The following KLF16 variants were observed in gnomAD, a reference collection of about 807,000 sequenced individuals.
KLF16 encodes the protein KLF transcription factor 16, also known as Krueppel-like factor 16.
Under a neutral mutation model 6.1 loss-of-function variants are expected in KLF16, and 6 were observed. The ratio of observed to expected loss-of-function variants is 0.98; its 90% CI spans 0.54 to 1.93. The LOEUF (loss-of-function observed/expected upper bound fraction) is 1.93, where lower values mean the gene tolerates loss of function less well. Among genes scored for constraint, KLF16 ranks in the 30% most tolerant of loss-of-function variants. The probability of loss-of-function intolerance (pLI) is 0.01; values close to 1 mark genes in which losing one functional copy is unlikely to be tolerated. For synonymous variants in KLF16, 211 were observed against 176.5 expected (o/e 1.20, Z -1.55); for missense variants, 355 against 363.8 (o/e 0.98, Z 0.20).
chr19:1,868,469 T>A (rs1445288884), upstream of KLF16, among the ~76,000 whole-genome samples: 68 of 41,472 alleles, frequency 1.6e-3, 6 homozygotes, highest in African/African-American at 2.1e-3. Context: ...GGCTTTTTTT[T>A]TTTTTTTTTT....
chr19:1,867,560 T>C (rs2012207599), upstream of KLF16, among the ~76,000 whole-genome samples: 1 of 152,106 alleles, frequency 6.6e-6, no homozygotes, highest in Admixed American at 6.5e-5. Context: ...AGCGAGATCC[T>C]GTCTCTAAAA....
chr19:1,863,220 G>C lies in KLF16; in HGVS notation c.278C>G (p.Ala93Gly), dbSNP rs1338150786. Reference sequence around the variant, plus strand: ...GGCGGGCGAGGCGCCCCCCGGGGCGGCTCCGGGTCCGCCGCGCAGGTCGGC... The same window carrying C: ...GGCGGGCGAGGCGCCCCCCGGGGCGCCTCCGGGTCCGCCGCGCAGGTCGGC... ...ILADLRGGPG[A>G]APGGASPASS... Residue 93 changes from alanine to glycine, a missense_variant, in exon 1 of 2, where the codon GCC becomes GGC. Ala to Gly is a moderately conservative substitution (Grantham distance 60). Transcript: ENST00000250916. The C allele has an allele frequency of 1.8e-6, 2 of 1,115,588 alleles. No individual in the cohort carries two copies. The highest frequency in any genetic ancestry group is 2.2e-6 in the Non-Finnish European group (2 of 909,546). The allele number at this position is 1,115,588 out of a possible 1,614,324, so 69.1% of individuals were successfully genotyped here.
the KLF16 span, chr19:1,876,010 T>C: frequency 0.62 from 94,077 of 152,232 alleles, 29,023 homozygotes; most frequent in Middle Eastern, 0.68. Context: ...CCCACGGGCC[T>C]ACGAGGAACT....
At chr19:1,874,308 CTG>C in the KLF16 span, among the ~76,000 whole-genome samples, 1 of 152,110 alleles carries the variant, frequency 6.6e-6, no homozygotes, top group African/African-American at 2.4e-5. Flanking sequence ...TTCTGGAAAA[CTG>C]GGATAAGAGT....
rs759591358 is a variant in KLF16 at position 1,854,710 on chromosome 19, G to A, written c.508C>T (p.Arg170Cys). The A allele has an allele frequency of 2.5e-6, 4 of 1,599,436 alleles. No homozygotes were observed. The highest frequency in any genetic ancestry group is 3.4e-6 in the Non-Finnish European group (4 of 1,179,502). ...DWQGCDKKFA[R>C]SDELARHHRT... is the part of the protein sequence containing the mutation. ...TGGTGGCGGGCCAGCTCGTCGGAGC[G>A]GGCGAACTTCTTGTCGCAGCCCTGC... Residue 170 changes from arginine (R) to cysteine (C), a missense_variant, in exon 2 of 2, where the codon CGC becomes TGC. Physicochemically the swap from Arg to Cys is radical, Grantham distance 180. Transcript: ENST00000250916.
chr19:1,873,398 A>C, the KLF16 span, among the ~76,000 whole-genome samples: 2 of 152,128 alleles, frequency 1.3e-5, no homozygotes, highest in Admixed American at 1.3e-4. Flanking sequence ...CCACACCCAC[A>C]GCCATGCTCC....
rs2012103487 is a variant in KLF16, at chr19:1,863,094, G to C, written c.404C>G (p.Ala135Gly). Residue 135 changes from alanine to glycine, a missense_variant, in exon 1 of 2, where the codon GCC (alanine) becomes GGC (glycine). Physicochemically the swap from Ala to Gly is moderately conservative, Grantham distance 60. Transcript: ENST00000250916. The part of the protein sequence containing the change: ...KSHRCPFPDC[A>G]KAYYKSSHLK... The stretch of plus-strand genomic sequence containing the variant: ...GTGCGAGGACTTGTAGTAGGCTTTG[G>C]CGCAGTCCGGGAAGGGACAGCGGTG... 3 of 1,405,404 alleles carry C rather than the reference G, an allele frequency of 2.1e-6. No homozygotes were observed. Among genetic ancestry groups the C allele is most frequent in the Non-Finnish European group, 2.8e-6 (3 of 1,061,264 alleles). 87.1% of individuals were successfully genotyped at this position (1,405,404 alleles called of 1,614,324 possible).
chr19:1,868,582 G>A, the KLF16 span, among the ~76,000 whole-genome samples: 57 of 144,274 alleles, frequency 4.0e-4, no homozygotes, highest in South Asian at 2.4e-3. Flanking sequence ...AGGTTTCAGC[G>A]ATTCTCCTGC....
the KLF16 span, among the ~76,000 whole-genome samples, chr19:1,873,924 C>A: frequency 1.3e-5 from 2 of 152,246 alleles, no homozygotes; most frequent in Non-Finnish European, 2.9e-5. Context: ...CTGCCGAAGC[C>A]TCGGTGCTGA....
rs1002364937 is a variant in KLF16 at position 1,854,097 on chromosome 19, G to A, written c.*362C>T. ...GGGCAGGGGGTGCTTTCCCCGGGCCGGCTCCCAGAAGTCCACTCCACCCCC... is the reference window on the plus strand; with the variant it reads ...GGGCAGGGGGTGCTTTCCCCGGGCCAGCTCCCAGAAGTCCACTCCACCCCC... On this transcript the variant is annotated 3_prime_UTR_variant, in exon 2 of 2. Coordinates refer to ENST00000250916, the MANE Select transcript of KLF16 (RefSeq NM_031918.4). The A allele has an allele frequency of 1.0e-4, 24 of 234,302 alleles. No homozygotes were observed. The highest frequency in any genetic ancestry group is 7.0e-4 in the South Asian group (5 of 7,162). The allele number at this position is 234,302 out of a possible 1,614,324, so 14.5% of individuals were successfully genotyped here. A position where few individuals can be genotyped will look rare whatever the true frequency, so the allele number is the denominator to read the frequency against.
chr19:1,870,053 C>T, the KLF16 span, among the ~76,000 whole-genome samples: 1 of 151,458 alleles, frequency 6.6e-6, no homozygotes, highest in African/African-American at 2.4e-5. Flanking sequence ...CTGCCTCAGC[C>T]TCCTGAGTAG....
chr19:1,866,859 C>A (rs1948818671), upstream of KLF16, among the ~76,000 whole-genome samples: 1 of 151,944 alleles, frequency 6.6e-6, no homozygotes, highest in African/African-American at 2.4e-5. Context: ...GAACAGCCGG[C>A]TCCTGCTCAC....
In KLF16 at chr19:1,856,960, G is replaced by GGAGGGT. The variant is rs1261806436; in HGVS notation, c.458-2201_458-2200insACCCTC. On this transcript the variant is annotated intron_variant, in intron 1 of 1. Transcript: ENST00000250916. ...GGAGGAGCAGGTTGCCGGGGTGGGG[G>GGAGGGT]GGGCGACCGGGGCAGGGGCGCGCAG... 8.0e-5 allele frequency among the ~76,000 whole-genome samples: 11 copies of GGAGGGT among 137,620 alleles called. 1 individual carries two copies. The East Asian group carries it at 9.0e-4, about 11-fold the overall frequency. The allele number at this position is 137,620 out of a possible 152,430, so 90.3% of individuals were successfully genotyped here.
chr19:1,870,953 G>A, the KLF16 span, among the ~76,000 whole-genome samples: 28,870 of 152,168 alleles, frequency 0.19, 3,216 homozygotes, highest in East Asian at 0.28. Flanking sequence ...CCAAGATTGC[G>A]CCACTGCACT....
upstream of KLF16, among the ~76,000 whole-genome samples, chr19:1,864,228 G>C (rs981565866): frequency 6.6e-6 from 1 of 151,438 alleles, no homozygotes; most frequent in African/African-American, 2.4e-5. Context: ...CACGTGGCCG[G>C]GGTTGGAGGG....
chr19:1,867,927 CGTGT>C (rs71174389), upstream of KLF16, among the ~76,000 whole-genome samples: 19,025 of 147,866 alleles, frequency 0.13, 1,514 homozygotes, highest in Non-Finnish European at 0.18. Flanking sequence ...TATGTAAGGA[CGTGT>C]GTGTGTGTGT....
At chr19:1,862,841 C>G in intron 1 of KLF16, 200 bp downstream of exon 1, 1 of 300,134 alleles carries the variant, frequency 3.3e-6, no homozygotes, top group Non-Finnish European at 6.1e-6. Flanking sequence ...GGCGGCCATC[C>G]GCTCGCCGCC....
chr19:1,862,948 CGCCCCCCACG>C, intron 1 of KLF16, 83 bp downstream of exon 1: 1 of 763,650 alleles, frequency 1.3e-6, no homozygotes, highest in Non-Finnish European at 1.7e-6. Context: ...CCCCCCTCCC[CGCCCCCCACG>C]CGCCACGCAG....
upstream of KLF16, among the ~76,000 whole-genome samples, chr19:1,864,558 G>C (rs1283184225): frequency 1.3e-5 from 2 of 151,932 alleles, no homozygotes; most frequent in African/African-American, 4.8e-5. Flanking sequence ...AGGGGGACGG[G>C]AAGAGGGGGC....
Sources: gnomAD v4.1 joint callset for allele counts (sites outside exome capture counted in the v4.1 genomes callset) on GRCh38, gnomAD v4.1.1 for gene constraint, MANE v1.5 for transcripts, NCBI Gene and HGNC (gene_info 2026-07-23, HGNC 2026-07-21) for gene names.